Variants in GALNTL6 observed in about 807,000 individuals in gnomAD.
The protein encoded by GALNTL6 is polypeptide N-acetylgalactosaminyltransferase-like 6.
GALNTL6 carries 46 observed loss-of-function variants against 73.7 expected under a neutral mutation model. The ratio of observed to expected loss-of-function variants is 0.62; its 90% CI spans 0.49 to 0.80. The LOEUF (loss-of-function observed/expected upper bound fraction) is 0.80. GALNTL6 is among the 30% of genes least tolerant of loss of function. The pLI is 0.00. For missense variants in GALNTL6, 604 were observed against 755.0 expected (o/e 0.80, Z 2.34); for synonymous variants, 259 against 263.7 (o/e 0.98, Z 0.17).
intron 5 of GALNTL6, among the ~76,000 whole-genome samples, chr4:172,759,985 C>T (rs1279025925): frequency 6.6e-6 from 1 of 150,866 alleles, no homozygotes; most frequent in Non-Finnish European, 1.5e-5. Flanking sequence ...TACAGGCGCC[C>T]GCCACCGCGC....
At chr4:172,645,078 A>G (rs1740175903) in intron 5 of GALNTL6, among the ~76,000 whole-genome samples, 3 of 152,036 alleles carry the variant, frequency 2.0e-5, no homozygotes, top group South Asian at 2.1e-4. Context: ...GAAGTACTCT[A>G]TAAGTTCTAG....
intron 8 of GALNTL6, among the ~76,000 whole-genome samples, chr4:172,898,835 A>C (rs1285525954): frequency 1.3e-5 from 2 of 152,250 alleles, no homozygotes; most frequent in African/African-American, 4.8e-5. Context: ...CAGAAGTCAA[A>C]TCAGTAGTCA....
chr4:172,728,231 T>C (rs1183717965), intron 5 of GALNTL6, among the ~76,000 whole-genome samples: 1 of 152,182 alleles, frequency 6.6e-6, no homozygotes, highest in Non-Finnish European at 1.5e-5. Flanking sequence ...AATTCAGTGG[T>C]AATAAATACA....
chr4:172,767,680 T>C (rs1332705512), intron 5 of GALNTL6, among the ~76,000 whole-genome samples: 2 of 148,958 alleles, frequency 1.3e-5, no homozygotes, highest in East Asian at 2.0e-4. Context: ...TTTTTTTTTT[T>C]TTTTTGAGAC....
intron 4 of GALNTL6, among the ~76,000 whole-genome samples, chr4:172,346,988 CTTTT>C (rs34332250): frequency 8.7e-6 from 1 of 114,404 alleles, no homozygotes. Flanking sequence ...TGTTTTCTTT[CTTTT>C]TTTTTTTTTT....
chr4:172,250,178 T>A (rs979505651), intron 3 of GALNTL6, among the ~76,000 whole-genome samples: 1 of 152,106 alleles, frequency 6.6e-6, no homozygotes, highest in Non-Finnish European at 1.5e-5. Flanking sequence ...TGACCTTACA[T>A]CAGTGTGACT....
At chr4:172,529,252 A>T (rs1313421309) in intron 5 of GALNTL6, among the ~76,000 whole-genome samples, 1 of 151,518 alleles carries the variant, frequency 6.6e-6, no homozygotes, top group Non-Finnish European at 1.5e-5. Flanking sequence ...AAATTGAAAG[A>T]TTTTTTTTAA....
chr4:172,760,459 C>A (rs768898085), intron 5 of GALNTL6, among the ~76,000 whole-genome samples: 1 of 152,192 alleles, frequency 6.6e-6, no homozygotes, highest in African/African-American at 2.4e-5. Flanking sequence ...TACTCTGAAA[C>A]AAGTCCCCCT....
At chr4:171,928,201 C>A (rs2110991614) in intron 2 of GALNTL6, among the ~76,000 whole-genome samples, 2 of 152,230 alleles carry the variant, frequency 1.3e-5, no homozygotes, top group East Asian at 3.9e-4. Flanking sequence ...GTGTTTAGTG[C>A]AAAATAAGTA....
chr4:171,904,942 G>T (rs1166442235), intron 2 of GALNTL6, among the ~76,000 whole-genome samples: 2 of 152,110 alleles, frequency 1.3e-5, no homozygotes, highest in Non-Finnish European at 2.9e-5. Flanking sequence ...ACAAGCAAAT[G>T]CTGAGAGATT....
chr4:172,598,243 A>G (rs1197919471), intron 5 of GALNTL6, among the ~76,000 whole-genome samples: 1 of 152,178 alleles, frequency 6.6e-6, no homozygotes, highest in Non-Finnish European at 1.5e-5. Flanking sequence ...ACATGATCCA[A>G]ACATATTGGC....
chr4:172,907,594 C>A (rs2111255007), intron 8 of GALNTL6, among the ~76,000 whole-genome samples: 1 of 152,330 alleles, frequency 6.6e-6, no homozygotes, highest in South Asian at 2.1e-4. Flanking sequence ...CATGTGGATA[C>A]ATTCCAAGAC....
chr4:172,033,831 T>C lies in GALNTL6; in HGVS notation c.139-195825T>C, dbSNP rs751749201. ...ACACAAAATATCTAGACCCTTTAGA[T>C]AGACCAAAAGAAAGTTTTGCAAAGA... On this transcript the variant is annotated intron_variant, in intron 2 of 12. Transcript: ENST00000506823. Among the ~76,000 whole-genome samples the C allele has an allele frequency of 3.2e-4, 48 of 152,092 alleles. 1 individual carries two copies. The highest frequency in any genetic ancestry group is 5.4e-4 in the Non-Finnish European group (37 of 68,014).
intron 8 of GALNTL6, among the ~76,000 whole-genome samples, chr4:172,893,037 C>G (rs1035254493): frequency 3.9e-5 from 6 of 152,180 alleles, no homozygotes; most frequent in African/African-American, 1.4e-4. Flanking sequence ...GTGGCACCCA[C>G]GGCCTGCTGT....
chr4:172,513,946 T>C (rs1734516074), intron 5 of GALNTL6, among the ~76,000 whole-genome samples: 1 of 152,174 alleles, frequency 6.6e-6, no homozygotes, highest in Non-Finnish European at 1.5e-5. Context: ...TTAGACAAGA[T>C]GTTACAGGTG....
intron 7 of GALNTL6, among the ~76,000 whole-genome samples, chr4:172,827,371 A>G (rs1037266035): frequency 1.3e-5 from 2 of 152,192 alleles, no homozygotes; most frequent in Non-Finnish European, 2.9e-5. Flanking sequence ...AAGAGGCCCT[A>G]TCTCAGACTC....
rs111661212 is a variant in GALNTL6, at chr4:172,805,926, G to A, written c.554-3435G>A. ...TGGATGAAGGATATTTTTTAAAATC[G>A]GAGTAATAGTATCTAATTTTATGTA... On this transcript the variant is annotated intron_variant, in intron 5 of 12. Coordinates refer to ENST00000506823, the MANE Select transcript of GALNTL6 (RefSeq NM_001034845.3). Among the ~76,000 whole-genome samples the A allele has an allele frequency of 7.2e-3, 1,093 of 152,056 alleles. 15 individuals carry two copies. The highest frequency in any genetic ancestry group is 0.022 in the African/African-American group (910 of 41,474).
chr4:172,648,759 G>C (rs1740352147), intron 5 of GALNTL6, among the ~76,000 whole-genome samples: 4 of 152,126 alleles, frequency 2.6e-5, no homozygotes, highest in Admixed American at 2.0e-4. Context: ...GCTATCTTTT[G>C]CTGATATTTG....
intron 2 of GALNTL6, among the ~76,000 whole-genome samples, chr4:171,906,548 CA>C (rs1737284474): frequency 1.3e-5 from 2 of 151,988 alleles, no homozygotes; most frequent in South Asian, 4.1e-4. Flanking sequence ...GATTCACAGC[CA>C]AATTCTACCA....
Sources: gnomAD v4.1 joint callset for allele counts (sites outside exome capture counted in the v4.1 genomes callset) on GRCh38, gnomAD v4.1.1 for gene constraint, MANE v1.5 for transcripts, NCBI Gene and HGNC (gene_info 2026-07-23, HGNC 2026-07-21) for gene names.